Variants in TAX1BP1 observed in about 807,000 individuals in gnomAD.
The protein encoded by TAX1BP1 is tax1-binding protein 1.
In TAX1BP1, 62 loss-of-function variants were observed where a neutral mutation model predicts 97.7. The ratio of observed to expected loss-of-function variants is 0.63; its 90% CI spans 0.52 to 0.78. The LOEUF (loss-of-function observed/expected upper bound fraction) is 0.78. Among genes scored for constraint, TAX1BP1 ranks in the 30% least tolerant of loss-of-function variants. TAX1BP1 has a pLI of 0.00. For synonymous variants in TAX1BP1, 340 were observed against 304.2 expected (o/e 1.12, Z -1.23); for missense variants, 867 against 916.1 (o/e 0.95, Z 0.69).
chr7:27,766,419 C>CAAAAAAAAAAAAAAAAAAAAAAAAAAA (rs201297532), intron 4 of TAX1BP1, among the ~76,000 whole-genome samples: 1 of 76,886 alleles, frequency 1.3e-5, no homozygotes, highest in Non-Finnish European at 2.4e-5. Context: ...GACTCCGTAT[C>CAAAAAAAAAAAAAAAAAAAAAAAAAAA]AAAAAAAAAA....
intron 2 of TAX1BP1, among the ~76,000 whole-genome samples, chr7:27,755,891 T>C (rs1788193419): frequency 6.6e-6 from 1 of 152,210 alleles, no homozygotes; most frequent in African/African-American, 2.4e-5. Flanking sequence ...TTGTCCAAAG[T>C]GTTGCCATGT....
intron 15 of TAX1BP1, among the ~76,000 whole-genome samples, chr7:27,825,185 C>G (rs1186827510): frequency 4.0e-5 from 6 of 150,560 alleles, no homozygotes; most frequent in Admixed American, 4.0e-4. Context: ...AGTGAAATGC[C>G]TAACATTGGA....
At chr7:27,790,193 G>C (rs558089383) in intron 8 of TAX1BP1, among the ~76,000 whole-genome samples, 1 of 151,682 alleles carries the variant, frequency 6.6e-6, no homozygotes, top group Non-Finnish European at 1.5e-5. Context: ...TTTATAAATG[G>C]ATATCTTGCA....
intron 8 of TAX1BP1, among the ~76,000 whole-genome samples, chr7:27,790,329 A>G (rs1470758768): frequency 6.6e-6 from 1 of 151,950 alleles, no homozygotes; most frequent in Non-Finnish European, 1.5e-5. Context: ...TTCAGCTTTT[A>G]TAAGCATCCT....
At position 27,787,523 on chromosome 7, in the gene TAX1BP1, GAA is replaced by G. The variant is rs774904789; in HGVS notation, c.959_960del (p.Glu320GlyfsTer11). 1 of 1,613,772 alleles carries G rather than the reference GAA, an allele frequency of 6.2e-7. No individual in the cohort carries two copies. The highest frequency in any genetic ancestry group is 8.5e-7 in the Non-Finnish European group (1 of 1,179,796). On this transcript the variant is annotated frameshift_variant, in exon 8 of 17. Transcript: ENST00000396319. LOFTEE classifies it high-confidence loss of function. ...AGAAAGCGTGATTACTCATTTCAAA[GAA>G]GAGATTGGCAGGCTGCAGTTATGTT... ...NKESVITHFK[E>X]EIGRLQLCLA...
intron 5 of TAX1BP1, among the ~76,000 whole-genome samples, chr7:27,784,010 A>G (rs535514614): frequency 1.3e-5 from 2 of 152,226 alleles, no homozygotes; most frequent in Non-Finnish European, 2.9e-5. Context: ...ATAAGTCAAT[A>G]GGGTGTATCT....
intron 3 of TAX1BP1, 78 bp downstream of exon 3, chr7:27,758,211 A>AT: frequency 8.5e-7 from 1 of 1,178,202 alleles, no homozygotes; most frequent in Non-Finnish European, 1.2e-6. Context: ...CATTGTAATG[A>AT]TTTGTTCAGG....
chr7:27,787,993 A>T (rs978131132), intron 8 of TAX1BP1, among the ~76,000 whole-genome samples: 1 of 152,120 alleles, frequency 6.6e-6, no homozygotes, highest in Non-Finnish European at 1.5e-5. Flanking sequence ...CCCCAAATGT[A>T]TTCTTATATA....
intron 13 of TAX1BP1, among the ~76,000 whole-genome samples, chr7:27,815,055 G>T (rs1030255513): frequency 5.9e-5 from 9 of 151,910 alleles, no homozygotes; most frequent in African/African-American, 2.2e-4. Context: ...AGTTTTTATA[G>T]ATTTTTTGGG....
intron 4 of TAX1BP1, among the ~76,000 whole-genome samples, chr7:27,769,254 A>T (rs552283160): frequency 6.6e-6 from 1 of 152,100 alleles, no homozygotes; most frequent in South Asian, 2.1e-4. Context: ...TATACCATAT[A>T]GTAAGTTTGT....
At chr7:27,783,309 T>G (rs1789336001) in intron 5 of TAX1BP1, among the ~76,000 whole-genome samples, 1 of 152,224 alleles carries the variant, frequency 6.6e-6, no homozygotes, top group Admixed American at 6.5e-5. Context: ...GAAAGCATGA[T>G]TCCTAGTTGT....
chr7:27,775,401 T>G (rs1179266211), intron 5 of TAX1BP1, among the ~76,000 whole-genome samples: 1 of 152,194 alleles, frequency 6.6e-6, no homozygotes, highest in Non-Finnish European at 1.5e-5. Flanking sequence ...AAGGATCATA[T>G]GTATTAAAAG....
At chr7:27,765,358 A>T (rs910427292) in intron 3 of TAX1BP1, among the ~76,000 whole-genome samples, 2 of 151,998 alleles carry the variant, frequency 1.3e-5, no homozygotes, top group African/African-American at 4.8e-5. Flanking sequence ...AGCAGACCTC[A>T]TCTTTTCTGC....
At position 27,828,706 on chromosome 7, in the gene TAX1BP1, T is replaced by C. The variant is rs1258931926; in HGVS notation, c.2247T>C (p.His749=). The C allele has an allele frequency of 4.3e-6, 7 of 1,613,982 alleles. No individual in the cohort carries two copies. The highest frequency in any genetic ancestry group is 5.9e-6 in the Non-Finnish European group (7 of 1,179,998). The stretch of plus-strand genomic sequence containing the variant: ...ATGATCAGAGCAAATTTGAAGAACA[T>C]GTTGAAAGTCACTGGAAGGTGTGCC... The part of the protein sequence containing the change: ...PNYDQSKFEE[H]VESHWKVCPM... Residue 749 remains histidine (H), a synonymous_variant, in exon 17 of 17, where the codon CAT becomes CAC. Transcript: ENST00000396319.
At chr7:27,813,079 C>G (rs559167939) in intron 13 of TAX1BP1, among the ~76,000 whole-genome samples, 21 of 148,858 alleles carry the variant, frequency 1.4e-4, no homozygotes, top group Admixed American at 2.0e-4. Flanking sequence ...ACTATACCGT[C>G]TTGTTTACTG....
rs1239003054 is a variant in TAX1BP1 at position 27,829,731 on chromosome 7, C to T, written c.*902C>T. On this transcript the variant is annotated 3_prime_UTR_variant, in exon 17 of 17. Coordinates refer to ENST00000396319, the MANE Select transcript of TAX1BP1 (RefSeq NM_006024.7). ...CTGTGCTGTATAGAACTGTCACTAA[C>T]ATTAAAGAAAGAGGACACATTTTTC... 6.6e-6 allele frequency: 1 copy of T among 152,150 alleles called. No individual in the cohort carries two copies. The highest frequency in any genetic ancestry group is 1.5e-5 in the Non-Finnish European group (1 of 68,002). 9.4% of individuals were successfully genotyped at this position (152,150 alleles called of 1,614,324 possible). A position where few individuals can be genotyped will look rare whatever the true frequency, so the allele number is the denominator to read the frequency against.
At chr7:27,786,908 C>G (rs1789507062) in intron 7 of TAX1BP1, among the ~76,000 whole-genome samples, 1 of 152,168 alleles carries the variant, frequency 6.6e-6, no homozygotes, top group Non-Finnish European at 1.5e-5. Flanking sequence ...TAGCGAGAGT[C>G]ATGGGAAAAT....
chr7:27,780,696 AT>A (rs1324491887), intron 5 of TAX1BP1, among the ~76,000 whole-genome samples: 1 of 152,188 alleles, frequency 6.6e-6, no homozygotes, highest in Non-Finnish European at 1.5e-5. Context: ...AAAAGGCTTA[AT>A]TTTAATACAT....
At chr7:27,827,412 A>G (rs1159159572) in intron 15 of TAX1BP1, among the ~76,000 whole-genome samples, 1 of 152,090 alleles carries the variant, frequency 6.6e-6, no homozygotes, top group Non-Finnish European at 1.5e-5. Context: ...AGTCAGTAAA[A>G]GTTACCTACG....
Sources: allele counts gnomAD v4.1 joint callset (sites outside exome capture counted in the v4.1 genomes callset), GRCh38; gene constraint gnomAD v4.1.1; transcripts MANE v1.5; gene names NCBI Gene and HGNC (gene_info 2026-07-23, HGNC 2026-07-21).